The following KRT13 variants were observed in gnomAD, a reference collection of about 807,000 sequenced individuals.
KRT13 encodes the protein keratin 13.
In KRT13, 27 loss-of-function variants were observed where a neutral mutation model predicts 40.6. The observed-to-expected ratio is 0.67, with a 90% confidence interval of 0.49 to 0.92. KRT13 has a LOEUF of 0.92. Among genes scored for constraint, KRT13 ranks in the 40% least tolerant of loss-of-function variants. The pLI, the probability that KRT13 is intolerant of heterozygous loss-of-function variation, is 0.00. For missense variants in KRT13, 605 were observed against 611.5 expected, an observed-to-expected ratio of 0.99 and a Z score of 0.11; for synonymous variants, 266 against 240.3, an observed-to-expected ratio of 1.11 and a Z score of -0.99.
chr17:41,501,599 C>T (rs150020980), intron 7 of KRT13, 120 bp downstream of exon 7: 5 of 1,502,806 alleles, frequency 3.3e-6, no homozygotes, highest in East Asian at 4.9e-5. Context: ...AGCTCTCCCC[C>T]TCCCTACACT....
In KRT13 at chr17:41,501,819, T is replaced by C. The variant is rs145000563; in HGVS notation, c.1245-75A>G. Reference sequence around the variant, plus strand: ...GTGCTTACCTGTTCCTCTGGGGAAGTGCCTCGGCTTATCATTTCAAGCCCC... The same window carrying C: ...GTGCTTACCTGTTCCTCTGGGGAAGCGCCTCGGCTTATCATTTCAAGCCCC... On this transcript the variant is annotated intron_variant, in intron 6 of 7. Transcript: ENST00000246635. 119 of 1,555,930 alleles carry C rather than the reference T, an allele frequency of 7.6e-5. 1 individual carries two copies. In the African/African-American group the frequency reaches 1.3e-3, roughly 17 times the overall value.
chr17:41,503,349 G>C lies in KRT13; in HGVS notation c.673C>G (p.Leu225Val). The change falls in exon 3 of 8, where the codon CTG becomes GTG. Residue 225 changes from leucine (L) to valine (V), a missense_variant. Physicochemically the swap from Leu to Val is conservative, Grantham distance 32. Coordinates refer to ENST00000246635, the MANE Select transcript of KRT13 (RefSeq NM_153490.3). ...LDELTLSKTD[L>V]EMQIESLNEE... is the part of the protein sequence containing the mutation. ...TTCAGGCTCTCGATCTGCATCTCCAGGTCAGTCTTAGACAGAGTGAGCTCA... is the reference window on the plus strand; with the variant it reads ...TTCAGGCTCTCGATCTGCATCTCCACGTCAGTCTTAGACAGAGTGAGCTCA... 1.2e-6 allele frequency: 2 copies of C among 1,614,252 alleles called. No homozygotes were observed. The highest frequency in any genetic ancestry group is 1.7e-6 in the Non-Finnish European group (2 of 1,180,040).
rs965043173 is a variant in KRT13, at chr17:41,501,545, A to C, written c.1270+174T>G. On this transcript the variant is annotated intron_variant, in intron 7 of 7. Coordinates refer to ENST00000246635, the MANE Select transcript of KRT13 (RefSeq NM_153490.3). ...AATAGCTCTGTGGGGCAGAGCCATC[A>C]GTTTCAAAAGGAAAATCAGTGAGCG... The C allele has an allele frequency of 4.1e-6, 5 of 1,212,262 alleles. No homozygotes were observed. The African/African-American group carries it at 6.0e-5, about 15-fold the overall frequency. 75.1% of individuals were successfully genotyped at this position (1,212,262 alleles called of 1,614,324 possible).
Position 41,505,114 on chromosome 17 carries a change from G to C in KRT13, c.437C>G (p.Ala146Gly), listed in dbSNP as rs760134. ...IRDWHLKQSP[A>G]SPERDYSPYY... ...GGGGCTGTAGTCCCGCTCAGGGCTA[G>C]CTGGGCTCTGCTTCAGGTGCCAGTC... The change falls in exon 1 of 8, where the codon GCT (alanine) becomes GGT (glycine). Residue 146 changes from alanine to glycine, a missense_variant. Ala to Gly is a moderately conservative substitution (Grantham distance 60, BLOSUM62 0). Transcript: ENST00000246635. 84,558 of 1,614,156 alleles carry C rather than the reference G, an allele frequency of 0.052. 2,599 individuals are homozygous for C. The highest frequency in any genetic ancestry group is 0.13 in the African/African-American group (9,638 of 75,010).
chr17:41,501,744 C>A lies in KRT13; in HGVS notation c.1245G>T (p.Lys415Asn). ...YRSLLEGQDA[K>N]MIGFPSSAGS... The stretch of plus-strand genomic sequence containing the variant: ...CTGCTGAGGAAGGGAAACCAATCAT[C>A]CTGGGAGAGAGGACAGAGGTGGCCA... Residue 415 changes from lysine (K) to asparagine (N), a missense_variant and splice_region_variant, in exon 7 of 8, where the codon AAG becomes AAT. Lys to Asn is a moderately conservative substitution (Grantham distance 94, BLOSUM62 0). Coordinates refer to ENST00000246635, the MANE Select transcript of KRT13 (RefSeq NM_153490.3). 1.3e-6 allele frequency: 2 copies of A among 1,595,076 alleles called. No individual in the cohort carries two copies. The highest frequency in any genetic ancestry group is 2.3e-5 in the East Asian group (1 of 44,246).
chr17:41,502,057 GA>G (rs1904869814), intron 6 of KRT13: 10 of 1,415,728 alleles, frequency 7.1e-6, no homozygotes, highest in Non-Finnish European at 9.2e-6. Context: ...GGGGTGGCTT[GA>G]TTTCTGCAAA....
Position 41,501,297 on chromosome 17 carries a change from T to C in KRT13, c.1336A>G (p.Asn446Asp). The C allele has an allele frequency of 6.3e-7, 1 of 1,576,278 alleles. No individual in the cohort carries two copies. The highest frequency in any genetic ancestry group is 1.2e-5 in the South Asian group (1 of 85,676). Reference sequence around the variant, plus strand: ...TCAGAAGTGCGGCGACCAGAGGCATTAGAGGTGGTGGTAACAGAGGCACTA... The same window carrying C: ...TCAGAAGTGCGGCGACCAGAGGCATCAGAGGTGGTGGTAACAGAGGCACTA... ...TSSASVTTTS[N>D]ASGRRTSDVR... Residue 446 changes from asparagine to aspartate, a missense_variant, in exon 8 of 8, where the codon AAT (asparagine) becomes GAT (aspartate). Coordinates refer to ENST00000246635, the MANE Select transcript of KRT13 (RefSeq NM_153490.3).
At chr17:41,502,144 T>C (rs1904872134) in intron 6 of KRT13, 4 of 1,440,634 alleles carry the variant, frequency 2.8e-6, no homozygotes, top group South Asian at 1.5e-5. Context: ...GTTTTTCCAA[T>C]ATCAGATGTT....
rs142856552 is a variant in KRT13 at position 41,503,716 on chromosome 17, C to T, written c.505G>A (p.Ala169Thr). The T allele has an allele frequency of 6.9e-5, 111 of 1,613,778 alleles. No homozygotes were observed. The Middle Eastern group carries it at 8.2e-4, about 12-fold the overall frequency. Residue 169 changes from alanine (A) to threonine (T), a missense_variant, in exon 2 of 8, where the codon GCC becomes ACC. Ala to Thr is a moderately conservative substitution (Grantham distance 58). Transcript: ENST00000246635. ...IEELRDKILTATIENNRVILE... is the reference protein window; with the variant it reads ...IEELRDKILTTTIENNRVILE... ...ATGACCCGGTTGTTTTCAATGGTGG[C>T]GGTCAGGATCTACAAAATGCAGAAG... is the stretch of plus-strand genomic sequence containing the variant.
Position 41,503,020 on chromosome 17 carries a change from G to C in KRT13, c.814C>G (p.Arg272Gly). The C allele has an allele frequency of 6.2e-7, 1 of 1,614,170 alleles. No homozygotes were observed. The highest frequency in any genetic ancestry group is 8.5e-7 in the Non-Finnish European group (1 of 1,180,026). Reference sequence around the variant, plus strand: ...TGCTCCCTCATCTCTGCCAGCACGCGGGTCAGGTCAATGCCTGGGGTGGCA... The same window carrying C: ...TGCTCCCTCATCTCTGCCAGCACGCCGGTCAGGTCAATGCCTGGGGTGGCA... ...MDATPGIDLT[R>G]VLAEMREQYE... The change falls in exon 4 of 8, where the codon CGC (arginine) becomes GGC (glycine). Residue 272 changes from arginine (R) to glycine (G), a missense_variant. By Grantham distance (125) the Arg-to-Gly change is moderately radical. Transcript: ENST00000246635.
intron 6 of KRT13, 159 bp from the exon 7 acceptor site, chr17:41,501,903 G>T: frequency 6.6e-7 from 1 of 1,515,514 alleles, no homozygotes; most frequent in Non-Finnish European, 8.9e-7. Flanking sequence ...GCAGCATCAG[G>T]TGCCCACTGG....
chr17:41,502,537 G>A lies in KRT13; in HGVS notation c.1081C>T (p.Gln361Ter), dbSNP rs758386353. 39 of 1,613,854 alleles carry A rather than the reference G, an allele frequency of 2.4e-5. No homozygotes were observed. Among genetic ancestry groups the A allele is most frequent in the Non-Finnish European group, 3.2e-5 (38 of 1,180,042 alleles). The change falls in exon 6 of 8, where the codon CAG (glutamine) becomes TAG (stop). Residue 361 changes from glutamine (Q) to a stop codon, truncating the protein, a stop_gained. Transcript: ENST00000246635. LOFTEE classifies it high-confidence loss of function. ...CTGCTGATGAGTCCCTGGATCTGCTGCAGCTGCAGGGCATAGCGGCACTCC... is the reference window on the plus strand; with the variant it reads ...CTGCTGATGAGTCCCTGGATCTGCTACAGCTGCAGGGCATAGCGGCACTCC... Reference protein sequence around the residue: ...ETECRYALQLQQIQGLISSIE... With the variant: ...ETECRYALQL
Position 41,505,440 on chromosome 17 carries a change from C to A in KRT13, c.111G>T (p.Val37=), listed in dbSNP as rs760061507. The change falls in exon 1 of 8, where the codon GTG becomes GTT. Residue 37 remains valine, a synonymous_variant. Coordinates refer to ENST00000246635, the MANE Select transcript of KRT13 (RefSeq NM_153490.3). ...CATAGCCCCCAGCTGATCCCCCGGACACAAACCGAGTTGAACAGGTAGAGA... is the reference window on the plus strand; with the variant it reads ...CATAGCCCCCAGCTGATCCCCCGGAAACAAACCGAGTTGAACAGGTAGAGA... ...RGVSTCSTRF[V]SGGSAGGYGG... 3.7e-6 allele frequency: 6 copies of A among 1,613,742 alleles called. No individual in the cohort carries two copies. The highest frequency in any genetic ancestry group is 5.1e-6 in the Non-Finnish European group (6 of 1,179,760).
intron 7 of KRT13, 30 bp downstream of exon 7, chr17:41,501,688 CT>C (rs1261601610): frequency 6.4e-7 from 1 of 1,567,780 alleles, no homozygotes; most frequent in South Asian, 1.2e-5. Context: ...CTAACTCTGC[CT>C]CCCCCTACAC....
In KRT13 at chr17:41,505,169, C is replaced by G; in HGVS notation, c.382G>C (p.Ala128Pro). 6.2e-7 allele frequency: 1 copy of G among 1,614,204 alleles called. No homozygotes were observed. The change falls in exon 1 of 8, where the codon GCC (alanine) becomes CCC (proline). Residue 128 changes from alanine (A) to proline (P), a missense_variant. Physicochemically the swap from Ala to Pro is conservative, Grantham distance 27 (BLOSUM62 -1). Coordinates refer to ENST00000246635, the MANE Select transcript of KRT13 (RefSeq NM_153490.3). ...ATCTTCACCTCCAGGTCAGCGTTGG[C>G]CTCCTCCAGGGCGCGCACCTTCTCC... ...YLEKVRALEE[A>P]NADLEVKIRD...
chr17:41,501,820 G>A, intron 6 of KRT13, 76 bp from the exon 7 acceptor site: 1 of 1,555,880 alleles, frequency 6.4e-7, no homozygotes, highest in Non-Finnish European at 8.7e-7. Flanking sequence ...CTGGGGAAGT[G>A]CCTCGGCTTA....
rs1472017561 is a variant in KRT13 at position 41,502,830 on chromosome 17, A to G, written c.898-18T>C. 1.2e-6 allele frequency: 2 copies of G among 1,614,152 alleles called. No individual in the cohort carries two copies. The highest frequency in any genetic ancestry group is 1.3e-5 in the African/African-American group (1 of 75,026). On this transcript the variant is annotated intron_variant, in intron 4 of 7. Transcript: ENST00000246635. The stretch of plus-strand genomic sequence containing the variant: ...TCTGCACTCTGAAATGCAAGCAGGA[A>G]GAAGGTGGTGGGGAAGCTCAGCTCG...
At chr17:41,503,184 G>A (rs1288372523) in intron 3 of KRT13, 86 bp from the exon 4 acceptor site, 3 of 1,602,288 alleles carry the variant, frequency 1.9e-6, no homozygotes, top group Non-Finnish European at 2.6e-6. Flanking sequence ...TCTGGAGAGT[G>A]TTTCCAGGTC....
Position 41,501,304 on chromosome 17 carries a change from GGTGGTAACAGAGGCACTAGAAGTC to G in KRT13, c.1305_1328del (p.Ser438_Ser445del), listed in dbSNP as rs1354423887. The G allele has an allele frequency of 5.7e-6, 9 of 1,576,942 alleles. No individual in the cohort carries two copies. In the Admixed American group the frequency reaches 1.1e-4, roughly 20 times the overall value. Reference sequence around the variant, plus strand: ...TGCGGCGACCAGAGGCATTAGAGGTGGTGGTAACAGAGGCACTAGAAGTCGTGGTAACAGAGGTGCTACGGGGGC... The same window carrying G: ...TGCGGCGACCAGAGGCATTAGAGGTGGTGGTAACAGAGGTGCTACGGGGGC... On this transcript the variant is annotated inframe_deletion, in exon 8 of 8. Coordinates refer to ENST00000246635, the MANE Select transcript of KRT13 (RefSeq NM_153490.3).
Sources: allele counts gnomAD v4.1 joint callset, GRCh38; gene constraint gnomAD v4.1.1; transcripts MANE v1.5; gene names NCBI Gene and HGNC (gene_info 2026-07-23, HGNC 2026-07-21).